The following EXOC1 variants were observed in gnomAD, a reference collection of about 807,000 sequenced individuals.
EXOC1 encodes the protein SEC3-like 1.
In EXOC1, 67 loss-of-function variants were observed where a neutral mutation model predicts 107.7. The ratio of observed to expected loss-of-function variants is 0.62; its 90% CI spans 0.51 to 0.76. EXOC1 has a LOEUF of 0.76. EXOC1 is among the 30% of genes least tolerant of loss of function. The pLI is 0.00. For synonymous variants in EXOC1, 348 were observed against 353.5 expected, an observed-to-expected ratio of 0.98 and a Z score of 0.17; for missense variants, 833 against 1,055.7, an observed-to-expected ratio of 0.79 and a Z score of 2.92.
chr4:55,856,342 G>A (rs1279991428), intron 1 of EXOC1, among the ~76,000 whole-genome samples: 1 of 152,176 alleles, frequency 6.6e-6, no homozygotes, highest in African/African-American at 2.4e-5. Context: ...CTCCAGGCTA[G>A]GTTGGAAAAG....
chr4:55,895,489 A>G (rs1428557333), intron 15 of EXOC1, among the ~76,000 whole-genome samples: 2 of 152,230 alleles, frequency 1.3e-5, no homozygotes, highest in East Asian at 1.9e-4. Flanking sequence ...TACAGATAAT[A>G]TGAAATAACT....
intron 9 of EXOC1, among the ~76,000 whole-genome samples, chr4:55,879,172 C>T (rs1419613981): frequency 6.6e-6 from 1 of 152,186 alleles, no homozygotes; most frequent in Non-Finnish European, 1.5e-5. Flanking sequence ...CTTGTAAGCA[C>T]TTAGAGATAC....
chr4:55,893,917 A>G (rs1724874555), intron 15 of EXOC1, 137 bp downstream of exon 15: 4 of 692,418 alleles, frequency 5.8e-6, no homozygotes, highest in South Asian at 5.7e-5. Flanking sequence ...GGGCATGGCA[A>G]CAATCTACAT....
In EXOC1 at chr4:55,893,526, A is replaced by G. The variant is rs142486159; in HGVS notation, c.1725-26A>G. 1.4e-4 allele frequency: 220 copies of G among 1,598,258 alleles called. 1 individual carries two copies. The African/African-American group carries it at 1.9e-3, about 14-fold the overall frequency. ...TTCACCTGAAGCTTGTTATAACTTTATACTTCTTGTCTGTTTTCTGAACAG... is the reference window on the plus strand; with the variant it reads ...TTCACCTGAAGCTTGTTATAACTTTGTACTTCTTGTCTGTTTTCTGAACAG... On this transcript the variant is annotated intron_variant, in intron 14 of 18. Coordinates refer to ENST00000381295, the MANE Select transcript of EXOC1 (RefSeq NM_001024924.2).
chr4:55,855,215 C>T (rs1720847634), intron 1 of EXOC1, among the ~76,000 whole-genome samples: 1 of 152,146 alleles, frequency 6.6e-6, no homozygotes, highest in African/African-American at 2.4e-5. Flanking sequence ...GTTGTGGGAC[C>T]TTGCAAAGAG....
chr4:55,877,444 T>A, intron 8 of EXOC1: 1 of 985,300 alleles, frequency 1.0e-6, no homozygotes, highest in Non-Finnish European at 1.2e-6. Context: ...AATTCCAAGC[T>A]CTAAGACTTT....
At chr4:55,901,403 G>A (rs1008610372) in intron 17 of EXOC1, among the ~76,000 whole-genome samples, 2 of 152,082 alleles carry the variant, frequency 1.3e-5, no homozygotes, top group Non-Finnish European at 2.9e-5. Context: ...AGTAATGAGA[G>A]GGAATGGGGT....
intron 17 of EXOC1, among the ~76,000 whole-genome samples, chr4:55,901,583 T>A (rs940547221): frequency 3.9e-5 from 6 of 152,064 alleles, no homozygotes; most frequent in African/African-American, 1.4e-4. Flanking sequence ...AGACCCCAAT[T>A]TATAAATGGG....
rs906773440 is a variant in EXOC1, at chr4:55,877,406, GAAGT to G, written c.1075-507_1075-504del. On this transcript the variant is annotated intron_variant, in intron 8 of 18. Transcript: ENST00000381295. Reference sequence around the variant, plus strand: ...TTCAATTTGAATCTGCTCCAAGACAGAAGTAAGACTCAGATGACCAAGGTTCCAA... The same window carrying G: ...TTCAATTTGAATCTGCTCCAAGACAGAAGACTCAGATGACCAAGGTTCCAA... The G allele has an allele frequency of 1.4e-5, 14 of 985,398 alleles. No individual in the cohort carries two copies. In the East Asian group the frequency reaches 1.5e-3, roughly 104 times the overall value. 61.0% of individuals were successfully genotyped at this position (985,398 alleles called of 1,614,324 possible).
intron 10 of EXOC1, among the ~76,000 whole-genome samples, chr4:55,886,951 A>G (rs1723945790): frequency 6.6e-6 from 1 of 152,180 alleles, no homozygotes; most frequent in Non-Finnish European, 1.5e-5. Context: ...GTACCAGGGA[A>G]GTAGCTTTTC....
intron 10 of EXOC1, among the ~76,000 whole-genome samples, chr4:55,884,939 A>G (rs1723728414): frequency 6.6e-6 from 1 of 152,202 alleles, no homozygotes; most frequent in South Asian, 2.1e-4. Context: ...ACTAGTCCAG[A>G]CATTTGAAAT....
At chr4:55,893,965 T>C (rs1028947713) in intron 15 of EXOC1, among the ~76,000 whole-genome samples, 185 bp downstream of exon 15, 1 of 152,134 alleles carries the variant, frequency 6.6e-6, no homozygotes, top group Non-Finnish European at 1.5e-5. Flanking sequence ...CCAGCTAGTT[T>C]CCATTCCACA....
chr4:55,875,751 A>G, intron 8 of EXOC1: 1 of 985,426 alleles, frequency 1.0e-6, no homozygotes, highest in Non-Finnish European at 1.2e-6. Flanking sequence ...CTTCCCCTTT[A>G]ATCAGCGTGA....
At chr4:55,885,032 G>A (rs886386625) in intron 10 of EXOC1, among the ~76,000 whole-genome samples, 3 of 152,106 alleles carry the variant, frequency 2.0e-5, no homozygotes, top group African/African-American at 7.2e-5. Flanking sequence ...AAACAGAAAT[G>A]CTAACTCATC....
intron 1 of EXOC1, among the ~76,000 whole-genome samples, chr4:55,856,007 C>T (rs6830943): frequency 6.6e-6 from 1 of 151,932 alleles, no homozygotes; most frequent in African/African-American, 2.4e-5. Flanking sequence ...ATTTGCAGAG[C>T]GGGAGGAGGC....
intron 4 of EXOC1, among the ~76,000 whole-genome samples, chr4:55,865,887 G>A (rs978647517): frequency 3.2e-4 from 49 of 151,972 alleles, no homozygotes; most frequent in African/African-American, 1.2e-3. Flanking sequence ...ACGTTCATGT[G>A]TATAAACATT....
rs1408087358 is a variant in EXOC1, at chr4:55,900,249, TA to T, written c.2337+368del. Among the ~76,000 whole-genome samples, 4 of 152,298 alleles carry T rather than the reference TA, an allele frequency of 2.6e-5. No homozygotes were observed. The East Asian group carries it at 7.7e-4, about 29-fold the overall frequency. ...ACTTGCCCGACATCATAATAGCTTA[TA>T]AATTACAAAGCTGGGGGATGAACCT... On this transcript the variant is annotated intron_variant, in intron 17 of 18. Coordinates refer to ENST00000381295, the MANE Select transcript of EXOC1 (RefSeq NM_001024924.2).
chr4:55,894,585 A>G (rs1018644015), intron 15 of EXOC1, among the ~76,000 whole-genome samples: 5 of 150,714 alleles, frequency 3.3e-5, no homozygotes, highest in African/African-American at 2.4e-5. Flanking sequence ...TAATAGAAAA[A>G]AATTTGACAA....
At chr4:55,878,734 A>G (rs1016140115) in intron 9 of EXOC1, among the ~76,000 whole-genome samples, 1 of 152,166 alleles carries the variant, frequency 6.6e-6, no homozygotes, top group Non-Finnish European at 1.5e-5. Context: ...GGGGAGAGAG[A>G]TGTGCAGACA....
Sources: allele counts gnomAD v4.1 joint callset (sites outside exome capture counted in the v4.1 genomes callset), GRCh38; gene constraint gnomAD v4.1.1; transcripts MANE v1.5; gene names NCBI Gene and HGNC (gene_info 2026-07-23, HGNC 2026-07-21).